NIBAN2: variants seen among roughly 807,000 people sequenced by gnomAD.
NIBAN2 encodes niban apoptosis regulator 2, also known as protein Niban 2.
A neutral mutation model predicts 81.8 loss-of-function variants in NIBAN2; 36 were observed. The observed-to-expected ratio is 0.44, with a 90% confidence interval of 0.34 to 0.58. The LOEUF is 0.58. NIBAN2 is among the 20% of genes least tolerant of loss of function. The pLI is 0.02. For synonymous variants in NIBAN2, 445 were observed against 441.6 expected (o/e 1.01, Z -0.10); for missense variants, 897 against 1,014.1 (o/e 0.88, Z 1.57).
chr9:127,523,611 T>G (rs1837002212), intron 5 of NIBAN2, 68 bp downstream of exon 5: 1 of 1,520,816 alleles, frequency 6.6e-7, no homozygotes, highest in Admixed American at 1.7e-5. Flanking sequence ...CCACTAGGTG[T>G]CACCATTCAG....
rs748275528 is a variant in NIBAN2, at chr9:127,510,319, T to G, written c.988A>C (p.Lys330Gln). 2 of 1,606,220 alleles carry G rather than the reference T, an allele frequency of 1.2e-6. No homozygotes were observed. The highest frequency in any genetic ancestry group is 1.7e-6 in the Non-Finnish European group (2 of 1,174,132). ...TGGTTCCGCACGCACACCTCTGCCTTGGGGAGGATGAAGGCTGTGCCCCGA... is the reference window on the plus strand; with the variant it reads ...TGGTTCCGCACGCACACCTCTGCCTGGGGGAGGATGAAGGCTGTGCCCCGA... ...ASKIRAFILP[K>Q]AEVCVRNHVQ... Residue 330 changes from lysine (K) to glutamine (Q), a missense_variant, in exon 9 of 14, where the codon AAG becomes CAG. Lys to Gln is a moderately conservative substitution (Grantham distance 53). Transcript: ENST00000373312.
At chr9:127,562,631 G>A (rs1445630869) in intron 1 of NIBAN2, among the ~76,000 whole-genome samples, 6 of 152,244 alleles carry the variant, frequency 3.9e-5, no homozygotes, top group Admixed American at 3.9e-4. Context: ...GAGATGGCAG[G>A]AAGGAGCCTC....
intron 8 of NIBAN2, 135 bp downstream of exon 8, chr9:127,516,722 G>T: frequency 1.1e-6 from 1 of 922,680 alleles, no homozygotes; most frequent in Non-Finnish European, 1.7e-6. Flanking sequence ...GAGTACCACA[G>T]TGCAGATTTG....
At chr9:127,515,999 G>A (rs536787771) in intron 8 of NIBAN2, among the ~76,000 whole-genome samples, 11 of 152,158 alleles carry the variant, frequency 7.2e-5, no homozygotes, top group South Asian at 2.1e-4. Context: ...TGTGCTGGGC[G>A]TGGTGGCACA....
chr9:127,553,945 G>A (rs543743106), intron 1 of NIBAN2, among the ~76,000 whole-genome samples: 1 of 152,210 alleles, frequency 6.6e-6, no homozygotes, highest in Admixed American at 6.5e-5. Flanking sequence ...GGCTTTCCCA[G>A]TTGGATGGTA....
intron 1 of NIBAN2, among the ~76,000 whole-genome samples, chr9:127,540,003 T>C (rs916247978): frequency 6.6e-6 from 1 of 152,162 alleles, no homozygotes; most frequent in African/African-American, 2.4e-5. Context: ...TGAAGCCCTT[T>C]ACCCTGGCAA....
Position 127,506,997 on chromosome 9 carries a change from G to A in NIBAN2, c.2089C>T (p.Pro697Ser). ...TTTCCAGGCAGGAGATGCTGGAGGG[G>A]TGAGGCAGGCGGCGAGGAGGCCTCG... ...APEASSPPAS[P>S]LQHLLPGKAV... The change falls in exon 14 of 14, where the codon CCC becomes TCC. Residue 697 changes from proline to serine, a missense_variant. Pro to Ser is a moderately conservative substitution (Grantham distance 74, BLOSUM62 -1). This residue lies in a region of NIBAN2 where 619 missense variants were observed against 691.0 expected (regional missense o/e 0.90). Transcript: ENST00000373312. The A allele has an allele frequency of 1.3e-6, 2 of 1,597,626 alleles. No individual in the cohort carries two copies. Among genetic ancestry groups the A allele is most frequent in the Non-Finnish European group, 1.7e-6 (2 of 1,170,886 alleles).
At chr9:127,521,633 A>G (rs888113985) in intron 5 of NIBAN2, among the ~76,000 whole-genome samples, 4 of 151,382 alleles carry the variant, frequency 2.6e-5, no homozygotes, top group Non-Finnish European at 5.9e-5. Context: ...CGGAGGAAGC[A>G]GAGAACTTTC....
intron 1 of NIBAN2, among the ~76,000 whole-genome samples, chr9:127,561,872 C>G (rs920277695): frequency 6.6e-6 from 1 of 152,238 alleles, no homozygotes; most frequent in Non-Finnish European, 1.5e-5. Context: ...GGCATCTGCC[C>G]GGACTCCTTC....
At chr9:127,557,800 C>T (rs1005847366) in intron 1 of NIBAN2, among the ~76,000 whole-genome samples, 10 of 152,224 alleles carry the variant, frequency 6.6e-5, no homozygotes, top group South Asian at 2.1e-4. Context: ...CAGTTGGCCT[C>T]GGGTCAGGGT....
In NIBAN2 at chr9:127,508,040, C is replaced by T. The variant is rs1175621131; in HGVS notation, c.1542+53G>A. ...CCAAGGGTAGAGGGAGGCCTGTGGG[C>T]TCCATCCCCCAACTTAGGGCCCAAA... is the stretch of plus-strand genomic sequence containing the variant. On this transcript the variant is annotated intron_variant, in intron 12 of 13. Transcript: ENST00000373312. The surrounding 1 kb of genome is among the most constrained non-coding windows in gnomAD (Gnocchi z 6.4). 6.2e-6 allele frequency: 10 copies of T among 1,610,374 alleles called. No homozygotes were observed. The East Asian group carries it at 2.2e-4, about 36-fold the overall frequency.
intron 1 of NIBAN2, among the ~76,000 whole-genome samples, chr9:127,574,111 G>A (rs1259461533): frequency 2.6e-5 from 4 of 152,152 alleles, no homozygotes; most frequent in Admixed American, 6.6e-5. Flanking sequence ...TAAGACTCTG[G>A]ACGCTGTCTC....
chr9:127,512,312 G>A (rs1324369602), intron 8 of NIBAN2, among the ~76,000 whole-genome samples: 1 of 149,228 alleles, frequency 6.7e-6, no homozygotes, highest in African/African-American at 2.5e-5. Context: ...TTGAGACAGG[G>A]TCTCACTCTG....
Position 127,559,554 on chromosome 9 carries a change from A to G in NIBAN2, c.55+9266T>C, listed in dbSNP as rs1404435912. Among the ~76,000 whole-genome samples, 1 of 151,942 alleles carries G rather than the reference A, an allele frequency of 6.6e-6. No homozygotes were observed. On this transcript the variant is annotated intron_variant, in intron 1 of 13. Transcript: ENST00000373312. The surrounding 1 kb of genome is among the most constrained non-coding windows in gnomAD (Gnocchi z 4.0). ...TGGGTGGGCAGCTTCTTCCCAAGGG[A>G]CTCCTCTTCTAGAAGGTGCTAAGCT...
Position 127,517,015 on chromosome 9 carries a change from G to A in NIBAN2, c.815C>T (p.Ser272Leu), listed in dbSNP as rs1377421221. 1.1e-5 allele frequency: 17 copies of A among 1,613,046 alleles called. No homozygotes were observed. Among genetic ancestry groups the A allele is most frequent in the Admixed American group, 6.7e-5 (4 of 59,988 alleles). Reference protein sequence around the residue: ...QERQRQWIQISDAVYHMVYEQ... With the variant: ...QERQRQWIQILDAVYHMVYEQ... ...GTACACCATGTGGTACACGGCGTCC[G>A]AGATCTGTGGGCAGAGCAGCTGAAT... Residue 272 changes from serine to leucine, a missense_variant, in exon 8 of 14, where the codon TCG becomes TTG. Around this residue, in one of 3 missense-constraint regions of NIBAN2, gnomAD observed 619 missense variants for 691.0 expected, o/e 0.90. Transcript: ENST00000373312. The surrounding 1 kb of genome is among the most constrained non-coding windows in gnomAD (Gnocchi z 4.0).
At chr9:127,575,373 T>TCCTGCCACCACG (rs1232628600) in intron 1 of NIBAN2, among the ~76,000 whole-genome samples, 2 of 151,000 alleles carry the variant, frequency 1.3e-5, no homozygotes, top group African/African-American at 4.9e-5. Context: ...GATTACAGGT[T>TCCTGCCACCACG]CCTGCCACCA....
upstream of NIBAN2, among the ~76,000 whole-genome samples, chr9:127,569,459 C>T (rs886477576): frequency 1.2e-4 from 18 of 152,048 alleles, no homozygotes; most frequent in African/African-American, 4.3e-4. Context: ...ACTGGGGGTG[C>T]TCTGGGGGAC....
Position 127,508,056 on chromosome 9 carries a change from A to G in NIBAN2, c.1542+37T>C. The G allele has an allele frequency of 6.2e-7, 1 of 1,610,530 alleles. No individual in the cohort carries two copies. Among genetic ancestry groups the G allele is most frequent in the Non-Finnish European group, 8.5e-7 (1 of 1,176,902 alleles). Reference sequence around the variant, plus strand: ...GCCTGTGGGCTCCATCCCCCAACTTAGGGCCCAAACGGCTGGAGCAGGTGG... The same window carrying G: ...GCCTGTGGGCTCCATCCCCCAACTTGGGGCCCAAACGGCTGGAGCAGGTGG... On this transcript the variant is annotated intron_variant, in intron 12 of 13. Transcript: ENST00000373312. The surrounding 1 kb of genome is among the most constrained non-coding windows in gnomAD (Gnocchi z 6.4).
intron 9 of NIBAN2, 26 bp downstream of exon 9, chr9:127,510,120 C>T: frequency 1.9e-6 from 3 of 1,586,636 alleles, no homozygotes; most frequent in Non-Finnish European, 2.6e-6. Context: ...CAGGAGACCC[C>T]CTCCTAGGGG....
Sources: gnomAD v4.1 joint callset for allele counts (sites outside exome capture counted in the v4.1 genomes callset) on GRCh38, gnomAD v4.1.1 for gene constraint, gnomAD v4.1.1 regional missense constraint, Gnocchi (gnomAD v3.1) non-coding constraint, MANE v1.5 for transcripts, NCBI Gene and HGNC (gene_info 2026-07-23, HGNC 2026-07-21) for gene names.